GABRG3: variants seen among roughly 807,000 people sequenced by gnomAD.
GABRG3 encodes the protein gamma-aminobutyric acid type A receptor subunit gamma3.
A neutral mutation model predicts 48.8 loss-of-function variants in GABRG3; 25 were observed. The observed-to-expected ratio is 0.51, with a 90% CI of 0.37 to 0.72. The LOEUF is 0.72. Among genes scored for constraint, GABRG3 ranks in the 30% least tolerant of loss-of-function variants. The probability of loss-of-function intolerance (pLI) is 0.00; values close to 1 mark genes in which losing one functional copy is unlikely to be tolerated. For missense variants in GABRG3, 394 were observed against 577.9 expected (o/e 0.68, Z 3.26); for synonymous variants, 227 against 217.6 (o/e 1.04, Z -0.38).
At chr15:27,156,565 A>T (rs537252969) in intron 3 of GABRG3, among the ~76,000 whole-genome samples, 1 of 152,254 alleles carries the variant, frequency 6.6e-6, no homozygotes, top group South Asian at 2.1e-4. Context: ...TCTCAGTCTT[A>T]TTATGATTGT....
intron 3 of GABRG3, among the ~76,000 whole-genome samples, chr15:27,097,670 C>A: frequency 6.6e-6 from 1 of 152,236 alleles, no homozygotes; most frequent in East Asian, 1.9e-4. Context: ...ACCCAGTCCC[C>A]ACTGAGTGAC....
intron 3 of GABRG3, among the ~76,000 whole-genome samples, chr15:27,174,095 TAAAAAA>T (rs147295511): frequency 6.6e-6 from 1 of 150,712 alleles, no homozygotes; most frequent in East Asian, 1.9e-4. Flanking sequence ...AATACGGACT[TAAAAAA>T]AAACGAATGG....
At chr15:27,451,919 GAGAA>G (rs1446252422) in intron 5 of GABRG3, among the ~76,000 whole-genome samples, 1 of 152,222 alleles carries the variant, frequency 6.6e-6, no homozygotes, top group East Asian at 1.9e-4. Flanking sequence ...GAGATGGAGA[GAGAA>G]AGGGACAATA....
rs942852537 is a variant in GABRG3 at position 27,240,164 on chromosome 15, T to A, written c.271-86645T>A. Reference sequence around the variant, plus strand: ...TATTAAATGATCATCGTGACTCTCTTTCTGAGGCCCCCTCAATGTTGTTAA... The same window carrying A: ...TATTAAATGATCATCGTGACTCTCTATCTGAGGCCCCCTCAATGTTGTTAA... On this transcript the variant is annotated intron_variant, in intron 3 of 9. Transcript: ENST00000615808. 1.1e-4 allele frequency among the ~76,000 whole-genome samples: 17 copies of A among 152,332 alleles called. 1 individual carries two copies. In the South Asian group the frequency reaches 1.4e-3, roughly 13 times the overall value.
intron 1 of GABRG3, 97 bp downstream of exon 1, chr15:26,971,685 G>A: frequency 1.5e-6 from 2 of 1,354,752 alleles, no homozygotes; most frequent in South Asian, 1.6e-5. Flanking sequence ...GCCAGCCGTC[G>A]GCTGGGCTGC....
At chr15:27,385,120 G>A (rs1895883176) in intron 5 of GABRG3, among the ~76,000 whole-genome samples, 1 of 152,002 alleles carries the variant, frequency 6.6e-6, no homozygotes, top group Admixed American at 6.6e-5. Context: ...CTCTGGAGTG[G>A]TCACCCCTCC....
At chr15:27,224,051 C>T (rs8026989) in intron 3 of GABRG3, among the ~76,000 whole-genome samples, 3 of 152,030 alleles carry the variant, frequency 2.0e-5, no homozygotes, top group Non-Finnish European at 4.4e-5. Context: ...GTACCCAGAG[C>T]GTGTGGACTG....
intron 3 of GABRG3, among the ~76,000 whole-genome samples, chr15:27,047,027 T>C (rs1021840966): frequency 3.9e-5 from 6 of 152,348 alleles, no homozygotes; most frequent in African/African-American, 1.4e-4. Context: ...TGTAAGATAA[T>C]GTCTGCAGTG....
intron 3 of GABRG3, among the ~76,000 whole-genome samples, chr15:27,244,084 T>TGAAG (rs1244701114): frequency 4.6e-5 from 7 of 152,270 alleles, no homozygotes; most frequent in Admixed American, 3.9e-4. Flanking sequence ...CATATGGATG[T>TGAAG]GAAGACATTT....
intron 6 of GABRG3, among the ~76,000 whole-genome samples, chr15:27,508,186 C>T (rs1033924552): frequency 2.6e-5 from 4 of 152,236 alleles, no homozygotes; most frequent in Admixed American, 6.5e-5. Flanking sequence ...TTAAAATATA[C>T]GATCTCGCTC....
chr15:27,317,913 A>C (rs1720557359), intron 3 of GABRG3, among the ~76,000 whole-genome samples: 1 of 152,208 alleles, frequency 6.6e-6, no homozygotes, highest in Non-Finnish European at 1.5e-5. Flanking sequence ...CAATACAGCA[A>C]ACACTCACTG....
At chr15:27,140,719 G>A (rs959173014) in intron 3 of GABRG3, among the ~76,000 whole-genome samples, 1 of 151,626 alleles carries the variant, frequency 6.6e-6, no homozygotes, top group Non-Finnish European at 1.5e-5. Flanking sequence ...CTTCATAATA[G>A]TATCTTATTC....
chr15:27,437,030 A>AGAGC (rs550127989), intron 5 of GABRG3, among the ~76,000 whole-genome samples: 2 of 146,804 alleles, frequency 1.4e-5, no homozygotes, highest in South Asian at 2.2e-4. Context: ...AGAGAGAGAG[A>AGAGC]GAGCGCCCAC....
chr15:27,364,499 T>A (rs547423079), intron 5 of GABRG3: 1 of 152,298 alleles, frequency 6.6e-6, no homozygotes, highest in East Asian at 1.9e-4. Context: ...GGACCGTAAA[T>A]GGAGATACTG....
chr15:27,441,859 C>A (rs1888796689), intron 5 of GABRG3, among the ~76,000 whole-genome samples: 1 of 152,146 alleles, frequency 6.6e-6, no homozygotes, highest in Non-Finnish European at 1.5e-5. Context: ...GCTTGGCAAC[C>A]ACTGGATTAA....
chr15:26,971,673 G>A (rs1857954304), intron 1 of GABRG3, 85 bp downstream of exon 1: 3 of 1,408,464 alleles, frequency 2.1e-6, no homozygotes, highest in Admixed American at 3.0e-5. Context: ...AGTCCCTGGC[G>A]CGCCAGCCGT....
chr15:27,193,420 A>G (rs1452712916), intron 3 of GABRG3, among the ~76,000 whole-genome samples: 9 of 151,964 alleles, frequency 5.9e-5, no homozygotes, highest in Admixed American at 2.0e-4. Flanking sequence ...AGCCTGGGCA[A>G]TGGCGGGCGC....
chr15:26,991,429 A>G (rs1015538057), intron 2 of GABRG3, among the ~76,000 whole-genome samples: 3 of 151,928 alleles, frequency 2.0e-5, no homozygotes, highest in African/African-American at 7.3e-5. Context: ...TATACATTTT[A>G]GGATAGTTTT....
rs928537542 is a variant in GABRG3, at chr15:27,000,283, G to A, written c.202+23133G>A. 2.6e-5 allele frequency among the ~76,000 whole-genome samples: 4 copies of A among 152,108 alleles called. No homozygotes were observed. In the East Asian group the frequency reaches 5.8e-4, roughly 22 times the overall value. On this transcript the variant is annotated intron_variant, in intron 2 of 9. Transcript: ENST00000615808. ...ATAGATATTCTTGAGTATCATTTTG[G>A]TGTATAGTTGAGTTAGTTGGAAGCA...
Sources: allele counts gnomAD v4.1 joint callset (sites outside exome capture counted in the v4.1 genomes callset), GRCh38; gene constraint gnomAD v4.1.1; transcripts MANE v1.5; gene names NCBI Gene and HGNC (gene_info 2026-07-23, HGNC 2026-07-21).